KLHL42: variants seen among roughly 807,000 people sequenced by gnomAD.
KLHL42 encodes kelch like family member 42, also known as kelch-like protein 42.
Under a neutral mutation model 32.7 loss-of-function variants are expected in KLHL42, and 27 were observed. That is an observed-to-expected ratio of 0.83 (90% confidence interval 0.61 to 1.14). The LOEUF (loss-of-function observed/expected upper bound fraction) is 1.14. Among genes scored for constraint, KLHL42 ranks in the 50% most tolerant of loss-of-function variants. The pLI, the probability that KLHL42 is intolerant of heterozygous loss-of-function variation, is 0.00. For missense variants in KLHL42, 491 were observed against 560.8 expected (o/e 0.88, Z 1.26); for synonymous variants, 267 against 248.2 (o/e 1.08, Z -0.71).
At position 27,780,688 on chromosome 12, in the gene KLHL42, C is replaced by G. The variant is rs771677646; in HGVS notation, c.358C>G (p.Leu120Val). ...CCTGCAGGTCACGTCCCTGCTGCAG[C>G]TGCTGCTGTCCCAGGTGCGGCTCAA... ...SFLQVTSLLQ[L>V]LLSQVRLNNC... Residue 120 changes from leucine to valine, a missense_variant, in exon 1 of 3, where the codon CTG becomes GTG. Physicochemically the swap from Leu to Val is conservative, Grantham distance 32. Transcript: ENST00000381271. This position sits in a 1 kb window ranked among gnomAD's most constrained non-coding sequence, Gnocchi z 8.8. The G allele has an allele frequency of 4.4e-6, 7 of 1,605,928 alleles. No individual in the cohort carries two copies. The highest frequency in any genetic ancestry group is 6.0e-6 in the Non-Finnish European group (7 of 1,175,074).
chr12:27,792,523 A>G lies in KLHL42; in HGVS notation c.1066+622A>G, dbSNP rs903050340. On this transcript the variant is annotated intron_variant, in intron 2 of 2. Transcript: ENST00000381271. Reference sequence around the variant, plus strand: ...GGTTGTACTATCTATTTATTTGTTTATTTATTTATTTATTTTTTGAGATGG... The same window carrying G: ...GGTTGTACTATCTATTTATTTGTTTGTTTATTTATTTATTTTTTGAGATGG... 6.6e-5 allele frequency among the ~76,000 whole-genome samples: 10 copies of G among 151,886 alleles called. No individual in the cohort carries two copies. The South Asian group carries it at 1.7e-3, about 25-fold the overall frequency.
At chr12:27,784,672 C>T (rs1201869424) in intron 1 of KLHL42, among the ~76,000 whole-genome samples, 2 of 152,156 alleles carry the variant, frequency 1.3e-5, no homozygotes, top group Admixed American at 6.5e-5. Flanking sequence ...GTTGCTCCCG[C>T]CAAATTGCCC....
chr12:27,782,484 A>T (rs992804943), intron 1 of KLHL42, among the ~76,000 whole-genome samples: 2 of 152,194 alleles, frequency 1.3e-5, no homozygotes, highest in Non-Finnish European at 2.9e-5. Flanking sequence ...CACCATTGAG[A>T]TGATACCATA....
chr12:27,780,694 C>T lies in KLHL42; in HGVS notation c.364C>T (p.Leu122=). 6.2e-7 allele frequency: 1 copy of T among 1,607,828 alleles called. No homozygotes were observed. ...GGTCACGTCCCTGCTGCAGCTGCTG[C>T]TGTCCCAGGTGCGGCTCAATAACTG... ...LQVTSLLQLL[L]SQVRLNNCLE... is the part of the protein sequence containing the mutation. The change falls in exon 1 of 3, where the codon CTG becomes TTG. Residue 122 remains leucine (L), a synonymous_variant. Coordinates refer to ENST00000381271, the MANE Select transcript of KLHL42 (RefSeq NM_020782.2). This position sits in a 1 kb window ranked among gnomAD's most constrained non-coding sequence, Gnocchi z 8.8.
rs2062251656 is a variant in KLHL42, at chr12:27,802,390, A to G, written c.*4224A>G. ...TTCCCATAAAAAGTATTAATAAAGA[A>G]ATTTCCATTCCACACTAGTACTGAT... On this transcript the variant is annotated 3_prime_UTR_variant, in exon 3 of 3. Coordinates refer to ENST00000381271, the MANE Select transcript of KLHL42 (RefSeq NM_020782.2). 6.6e-6 allele frequency: 1 copy of G among 152,288 alleles called. No homozygotes were observed. The allele number at this position is 152,288 out of a possible 1,614,324, so 9.4% of individuals were successfully genotyped here. A position where few individuals can be genotyped will look rare whatever the true frequency, so the allele number is the denominator to read the frequency against.
rs139395091 is a variant in KLHL42 at position 27,797,744 on chromosome 12, C to T, written c.1096C>T (p.Pro366Ser). 4.2e-6 allele frequency: 3 copies of T among 714,048 alleles called. No homozygotes were observed. Among genetic ancestry groups the T allele is most frequent in the Non-Finnish European group, 7.8e-6 (3 of 385,522 alleles). 44.2% of individuals were successfully genotyped at this position (714,048 alleles called of 1,614,324 possible). A position where few individuals can be genotyped will look rare whatever the true frequency, so the allele number is the denominator to read the frequency against. Residue 366 changes from proline (P) to serine (S), a missense_variant, in exon 3 of 3, where the codon CCC becomes TCC. Around this residue, in one of 4 missense-constraint regions of KLHL42, gnomAD observed 152 missense variants for 125.9 expected, o/e 1.21. Transcript: ENST00000381271. ...GAACATGAACATTTTGCAGTACTGCCCCTCTTCCGACATGTGGACGCTCTT... is the reference window on the plus strand; with the variant it reads ...GAACATGAACATTTTGCAGTACTGCTCCTCTTCCGACATGTGGACGCTCTT... Reference protein sequence around the residue: ...DRNMNILQYCPSSDMWTLFET... With the variant: ...DRNMNILQYCSSSDMWTLFET...
At position 27,791,579 on chromosome 12, in the gene KLHL42, C is replaced by T. The variant is rs373035450; in HGVS notation, c.873-129C>T. The T allele has an allele frequency of 3.1e-4, 237 of 765,016 alleles. No homozygotes were observed. In the African/African-American group the frequency reaches 3.5e-3, roughly 11 times the overall value. 47.4% of individuals were successfully genotyped at this position (765,016 alleles called of 1,614,324 possible). A position where few individuals can be genotyped will look rare whatever the true frequency, so the allele number is the denominator to read the frequency against. ...CATCCTTTCCTCCTCTGTCCTCAGG[C>T]GGAATGGCCCCCAACTGGGAGAGCG... On this transcript the variant is annotated intron_variant, in intron 1 of 2. Transcript: ENST00000381271.
chr12:27,802,657 G>A lies in KLHL42; in HGVS notation c.*4491G>A, dbSNP rs922050110. 2.0e-5 allele frequency: 3 copies of A among 152,542 alleles called. No homozygotes were observed. Among genetic ancestry groups the A allele is most frequent in the African/African-American group, 7.2e-5 (3 of 41,416 alleles). 9.4% of individuals were successfully genotyped at this position (152,542 alleles called of 1,614,324 possible). A position where few individuals can be genotyped will look rare whatever the true frequency, so the allele number is the denominator to read the frequency against. ...CAAAGGGTGCTGAAATGACTTGTACGGTTGGCTGGTGCTTTCTCAAATGGA... is the reference window on the plus strand; with the variant it reads ...CAAAGGGTGCTGAAATGACTTGTACAGTTGGCTGGTGCTTTCTCAAATGGA... On this transcript the variant is annotated 3_prime_UTR_variant, in exon 3 of 3. Coordinates refer to ENST00000381271, the MANE Select transcript of KLHL42 (RefSeq NM_020782.2).
intron 2 of KLHL42, chr12:27,797,135 A>AAAC (rs138908506): frequency 3.6e-5 from 12 of 335,910 alleles, no homozygotes; most frequent in Non-Finnish European, 5.4e-5. Context: ...AAAAAAAAAC[A>AAAC]AAAAAAAAAC....
Position 27,780,250 on chromosome 12 carries a change from C to T in KLHL42, c.-81C>T. 2.3e-6 allele frequency: 3 copies of T among 1,329,158 alleles called. No individual in the cohort carries two copies. The highest frequency in any genetic ancestry group is 2.9e-6 in the Non-Finnish European group (3 of 1,032,644). The allele number at this position is 1,329,158 out of a possible 1,614,324, so 82.3% of individuals were successfully genotyped here. On this transcript the variant is annotated 5_prime_UTR_variant, in exon 1 of 3. Coordinates refer to ENST00000381271, the MANE Select transcript of KLHL42 (RefSeq NM_020782.2). This position sits in a 1 kb window ranked among gnomAD's most constrained non-coding sequence, Gnocchi z 8.8. ...GGGCCGCCATCCCTCGGCGCCCCGC[C>T]CGGAACCGGCGCGCGCGTAGGGGCT...
intron 2 of KLHL42, among the ~76,000 whole-genome samples, chr12:27,794,719 T>C (rs770926985): frequency 4.5e-4 from 68 of 152,068 alleles, no homozygotes; most frequent in Non-Finnish European, 7.2e-4. Flanking sequence ...ATTTGACATA[T>C]CTTGTTAGGG....
chr12:27,787,193 C>A (rs1440222757), intron 1 of KLHL42, among the ~76,000 whole-genome samples: 2 of 152,054 alleles, frequency 1.3e-5, no homozygotes, highest in African/African-American at 4.8e-5. Context: ...TAACTCTTCA[C>A]ACATAAAAGC....
rs11341444 is a variant in KLHL42 at position 27,786,719 on chromosome 12, G to GTTTTT, written c.873-4972_873-4968dup. Among the ~76,000 whole-genome samples, 114 of 101,112 alleles carry GTTTTT rather than the reference G, an allele frequency of 1.1e-3. 3 individuals carry two copies. The highest frequency in any genetic ancestry group is 3.7e-3 in the African/African-American group (95 of 26,022). The allele number at this position is 101,112 out of a possible 152,430, so 66.3% of individuals were successfully genotyped here. ...TAGCAGGAACTCTGGGATTGAAAGA[G>GTTTTT]TTTTTTTTTTTTTTTTTTTTTGAGA... On this transcript the variant is annotated intron_variant, in intron 1 of 2. Transcript: ENST00000381271.
intron 2 of KLHL42, among the ~76,000 whole-genome samples, chr12:27,795,547 C>A (rs1370208897): frequency 1.3e-5 from 2 of 152,128 alleles, no homozygotes; most frequent in Non-Finnish European, 2.9e-5. Flanking sequence ...ACTCTGAAGC[C>A]CTTCTCTTTC....
intron 1 of KLHL42, among the ~76,000 whole-genome samples, chr12:27,790,512 T>C (rs1401896901): frequency 1.3e-5 from 2 of 152,244 alleles, no homozygotes; most frequent in East Asian, 3.8e-4. Context: ...GAGTTTATCC[T>C]TCCTGCCTTT....
In KLHL42 at chr12:27,799,080, G is replaced by A. The variant is rs2062232537; in HGVS notation, c.*914G>A. ...GTATTTGACTTAGTTCTTATTTTAA[G>A]GCTAAAAAAACTTTGTCATATTTAA... On this transcript the variant is annotated 3_prime_UTR_variant, in exon 3 of 3. Coordinates refer to ENST00000381271, the MANE Select transcript of KLHL42 (RefSeq NM_020782.2). 1 of 152,482 alleles carries A rather than the reference G, an allele frequency of 6.6e-6. No individual in the cohort carries two copies. The highest frequency in any genetic ancestry group is 1.5e-5 in the Non-Finnish European group (1 of 68,014). The allele number at this position is 152,482 out of a possible 1,614,324, so 9.4% of individuals were successfully genotyped here.
intron 1 of KLHL42, 71 bp downstream of exon 1, chr12:27,781,273 T>C: frequency 6.6e-7 from 1 of 1,517,486 alleles, no homozygotes; most frequent in Non-Finnish European, 8.9e-7. Context: ...ACCCCAGTGT[T>C]TACTGAGCCA....
rs1398322215 is a variant in KLHL42 at position 27,799,534 on chromosome 12, G to T, written c.*1368G>T. On this transcript the variant is annotated 3_prime_UTR_variant, in exon 3 of 3. Transcript: ENST00000381271. ...TCAGTTAGCATGTGCCTCACTTTAA[G>T]AAAGTCCTGTAGGGGAAAAAAAAAA... 6.6e-6 allele frequency: 1 copy of T among 152,116 alleles called. No individual in the cohort carries two copies. The allele number at this position is 152,116 out of a possible 1,614,324, so 9.4% of individuals were successfully genotyped here.
chr12:27,782,096 C>T (rs2062151984), intron 1 of KLHL42, among the ~76,000 whole-genome samples: 1 of 152,200 alleles, frequency 6.6e-6, no homozygotes, highest in Admixed American at 6.5e-5. Context: ...TGAAAATACC[C>T]TTTCTTCCCA....
Sources: gnomAD v4.1 joint callset for allele counts (sites outside exome capture counted in the v4.1 genomes callset) on GRCh38, gnomAD v4.1.1 for gene constraint, gnomAD v4.1.1 regional missense constraint, Gnocchi (gnomAD v3.1) non-coding constraint, MANE v1.5 for transcripts, NCBI Gene and HGNC (gene_info 2026-07-23, HGNC 2026-07-21) for gene names.